The following CABIN1 variants were observed in gnomAD, a reference collection of about 807,000 sequenced individuals.
CABIN1 encodes calcineurin binding protein 1.
In CABIN1, 133 loss-of-function variants were observed where a neutral mutation model predicts 227.7. That is an observed-to-expected ratio of 0.58 (90% CI 0.51 to 0.67). The LOEUF (loss-of-function observed/expected upper bound fraction) is 0.67, where lower values mean the gene tolerates loss of function less well. CABIN1 is among the 30% of genes least tolerant of loss of function. The probability of loss-of-function intolerance (pLI) is 0.00; values close to 1 mark genes in which losing one functional copy is unlikely to be tolerated. For synonymous variants in CABIN1, 1,086 were observed against 1,155.1 expected (o/e 0.94, Z 1.21); for missense variants, 2,408 against 2,852.5 (o/e 0.84, Z 3.55).
intron 3 of CABIN1, among the ~76,000 whole-genome samples, chr22:24,037,883 C>G (rs1021255873): frequency 3.9e-5 from 6 of 152,148 alleles, no homozygotes; most frequent in Non-Finnish European, 8.8e-5. Flanking sequence ...CACCCCCTAC[C>G]CCTTTTAGAT....
At chr22:24,035,340 T>A in intron 1 of CABIN1, 104 bp from the exon 2 acceptor site, 1 of 764,452 alleles carries the variant, frequency 1.3e-6, no homozygotes, top group South Asian at 1.5e-5. Flanking sequence ...CACTGGCCTG[T>A]CTGCATAGAG....
At chr22:24,033,113 C>T (rs1034717728) in intron 1 of CABIN1, among the ~76,000 whole-genome samples, 1 of 152,150 alleles carries the variant, frequency 6.6e-6, no homozygotes, top group African/African-American at 2.4e-5. Context: ...CTGCAGTTTC[C>T]AAACTTTTGA....
intron 10 of CABIN1, 110 bp from the exon 11 acceptor site, chr22:24,059,117 T>C (rs1409656189): frequency 1.0e-5 from 15 of 1,443,000 alleles, no homozygotes; most frequent in African/African-American, 1.4e-5. Flanking sequence ...CACCCACTTA[T>C]TTTAGCTGCC....
At chr22:24,158,335 G>T (rs939256893) in intron 29 of CABIN1, among the ~76,000 whole-genome samples, 1 of 152,182 alleles carries the variant, frequency 6.6e-6, no homozygotes, top group East Asian at 1.9e-4. Flanking sequence ...GTCCCCTCTG[G>T]GTGATCTATC....
At chr22:24,087,851 A>C in intron 23 of CABIN1, 138 bp downstream of exon 23, 1 of 1,155,478 alleles carries the variant, frequency 8.7e-7, no homozygotes, top group South Asian at 1.4e-5. Flanking sequence ...GAATCTCCCC[A>C]TGAGGCTTAA....
chr22:24,030,314 C>A (rs1480296844), intron 1 of CABIN1, among the ~76,000 whole-genome samples: 2 of 152,102 alleles, frequency 1.3e-5, no homozygotes, highest in African/African-American at 2.4e-5. Context: ...GGCTTTGAGT[C>A]CTATTTTTGT....
At position 24,072,373 on chromosome 22, in the gene CABIN1, C is replaced by T. The variant is rs1043860856; in HGVS notation, c.2495C>T (p.Ala832Val). 1 of 1,614,194 alleles carries T rather than the reference C, an allele frequency of 6.2e-7. No individual in the cohort carries two copies. The highest frequency in any genetic ancestry group is 1.7e-5 in the Admixed American group (1 of 60,028). Residue 832 changes from alanine (A) to valine (V), a missense_variant, in exon 18 of 37, where the codon GCT becomes GTT. This residue lies in a region of CABIN1 where 1,045 missense variants were observed against 1,168.4 expected (regional missense o/e 0.89). Transcript: ENST00000263119. Reference protein sequence around the residue: ...NLIQVIDCSMAVQEEAKEPHV... With the variant: ...NLIQVIDCSMVVQEEAKEPHV... The stretch of plus-strand genomic sequence containing the variant: ...TGTCAGGTCATTGACTGCAGCATGG[C>T]TGTGCAGGAGGAGGCCAAGGAGCCC...
intron 19 of CABIN1, among the ~76,000 whole-genome samples, chr22:24,082,980 G>A (rs1332621776): frequency 6.6e-6 from 1 of 152,196 alleles, no homozygotes. Flanking sequence ...TGAAAGAAAG[G>A]CAGCTTGGTA....
intron 6 of CABIN1, among the ~76,000 whole-genome samples, chr22:24,047,169 G>A (rs1440925448): frequency 4.6e-5 from 7 of 152,088 alleles, no homozygotes; most frequent in East Asian, 1.9e-4. Context: ...ATCATAACAG[G>A]GACTGAACTG....
chr22:24,089,614 C>T (rs1232694768), intron 23 of CABIN1, among the ~76,000 whole-genome samples: 4 of 152,312 alleles, frequency 2.6e-5, no homozygotes, highest in Non-Finnish European at 5.9e-5. Flanking sequence ...TTTTCCACCT[C>T]TGGAGAGACA....
At chr22:24,124,908 A>G (rs760030460) in intron 28 of CABIN1, among the ~76,000 whole-genome samples, 3 of 152,182 alleles carry the variant, frequency 2.0e-5, no homozygotes, top group Non-Finnish European at 2.9e-5. Flanking sequence ...CTTGAATGAA[A>G]ACAAAGCTGG....
Position 24,177,002 on chromosome 22 carries a change from G to A in CABIN1, c.6206-502G>A, listed in dbSNP as rs2047153928. On this transcript the variant is annotated intron_variant, in intron 35 of 36. Coordinates refer to ENST00000263119, the MANE Select transcript of CABIN1 (RefSeq NM_012295.4). This position sits in a 1 kb window ranked among gnomAD's most constrained non-coding sequence, Gnocchi z 4.4. ...CCTAGAGGCTGCCAGGCCTGCAACT[G>A]GCCCAGCCTTCAGGCTCTGGGCAAA... 6.6e-6 allele frequency among the ~76,000 whole-genome samples: 1 copy of A among 152,200 alleles called. No homozygotes were observed. The highest frequency in any genetic ancestry group is 2.4e-5 in the African/African-American group (1 of 41,444).
At position 24,036,196 on chromosome 22, in the gene CABIN1, GTCT is replaced by G. The variant is rs1235848324; in HGVS notation, c.96+19_96+21del. ...AGGAGGCTCAGGTACGTAATGCGAGGTCTTCTCTGTAGGTGGACCTTCTCATTT... is the reference window on the plus strand; with the variant it reads ...AGGAGGCTCAGGTACGTAATGCGAGGTCTCTGTAGGTGGACCTTCTCATTT... On this transcript the variant is annotated intron_variant, in intron 3 of 36. Coordinates refer to ENST00000263119, the MANE Select transcript of CABIN1 (RefSeq NM_012295.4). 3 of 1,569,474 alleles carry G rather than the reference GTCT, an allele frequency of 1.9e-6. No individual in the cohort carries two copies. In the South Asian group the frequency reaches 3.3e-5, roughly 17 times the overall value.
rs898691896 is a variant in CABIN1, at chr22:24,167,371, C to A, written c.5682+58C>A. The A allele has an allele frequency of 7.8e-6, 12 of 1,533,452 alleles. No individual in the cohort carries two copies. The African/African-American group carries it at 1.4e-4, about 17-fold the overall frequency. 95.0% of individuals were successfully genotyped at this position (1,533,452 alleles called of 1,614,324 possible). On this transcript the variant is annotated intron_variant, in intron 32 of 36. Coordinates refer to ENST00000263119, the MANE Select transcript of CABIN1 (RefSeq NM_012295.4). ...TCTGCTGGCAGCATCCCCACTCTTG[C>A]CTTTCTATCCTCAAGGAGGGTCTCC...
chr22:24,100,396 G>C (rs2042134086), intron 26 of CABIN1, among the ~76,000 whole-genome samples: 1 of 152,254 alleles, frequency 6.6e-6, no homozygotes, highest in Non-Finnish European at 1.5e-5. Flanking sequence ...AGCTATACTA[G>C]TTCCTAGGGG....
intron 21 of CABIN1, 104 bp downstream of exon 21, chr22:24,084,889 G>A (rs1244019756): frequency 6.4e-7 from 1 of 1,566,214 alleles, no homozygotes; most frequent in South Asian, 1.1e-5. Context: ...CTCTGTACCA[G>A]ACTGAGGGGC....
intron 24 of CABIN1, among the ~76,000 whole-genome samples, chr22:24,093,062 C>T (rs2041655263): frequency 1.3e-5 from 2 of 152,148 alleles, no homozygotes. Context: ...TGTCTTTGTA[C>T]TTGAAGCAGG....
rs545358756 is a variant in CABIN1 at position 24,091,614 on chromosome 22, C to T, written c.3557C>T (p.Thr1186Ile). ...GGCCGGCGCGACAGCATGCTAGAGA[C>T]AGCCAAGCACTGTTTCACATCAGCA... ...MEGRRDSMLETAKHCFTSAAR... is the reference protein window; with the variant it reads ...MEGRRDSMLEIAKHCFTSAAR... The change falls in exon 24 of 37, where the codon ACA becomes ATA. Residue 1186 changes from threonine to isoleucine, a missense_variant. Around this residue, in one of 3 missense-constraint regions of CABIN1, gnomAD observed 649 missense variants for 910.3 expected, o/e 0.71. Transcript: ENST00000263119. The T allele has an allele frequency of 6.2e-7, 1 of 1,614,254 alleles. No individual in the cohort carries two copies. The highest frequency in any genetic ancestry group is 1.7e-5 in the Admixed American group (1 of 60,036).
At chr22:24,026,168 C>T (rs975453745) in intron 1 of CABIN1, among the ~76,000 whole-genome samples, 3 of 151,118 alleles carry the variant, frequency 2.0e-5, no homozygotes, top group South Asian at 2.1e-4. Context: ...GAAACGAGGT[C>T]TCACTCTGTT....
Sources: gnomAD v4.1 joint callset for allele counts (sites outside exome capture counted in the v4.1 genomes callset) on GRCh38, gnomAD v4.1.1 for gene constraint, gnomAD v4.1.1 regional missense constraint, Gnocchi (gnomAD v3.1) non-coding constraint, MANE v1.5 for transcripts, NCBI Gene and HGNC (gene_info 2026-07-23, HGNC 2026-07-21) for gene names.